The following AGBL4 variants were observed in gnomAD, a reference collection of about 807,000 sequenced individuals.
AGBL4 encodes cytosolic carboxypeptidase 6.
AGBL4 carries 58 observed loss-of-function variants against 66.4 expected under a neutral mutation model. That is an observed-to-expected ratio of 0.87 (90% confidence interval 0.71 to 1.09). The LOEUF is 1.09. Among genes scored for constraint, AGBL4 ranks in the 50% least tolerant of loss-of-function variants. AGBL4 has a pLI of 0.00. For synonymous variants in AGBL4, 234 were observed against 222.9 expected (o/e 1.05, Z -0.44); for missense variants, 579 against 631.0 (o/e 0.92, Z 0.88).
intron 1 of AGBL4, among the ~76,000 whole-genome samples, chr1:49,890,100 A>C (rs1306780187): frequency 6.6e-6 from 1 of 152,224 alleles, no homozygotes; most frequent in Non-Finnish European, 1.5e-5. Context: ...TGTGTGAGAC[A>C]TTGGGCTAAG....
At chr1:49,898,471 C>G (rs1649437390) in intron 1 of AGBL4, among the ~76,000 whole-genome samples, 1 of 151,922 alleles carries the variant, frequency 6.6e-6, no homozygotes, top group South Asian at 2.1e-4. Flanking sequence ...ATAACAAACA[C>G]CGGCGAGGAT....
chr1:49,280,431 A>T (rs1644251879), intron 3 of AGBL4, among the ~76,000 whole-genome samples: 1 of 152,170 alleles, frequency 6.6e-6, no homozygotes, highest in African/African-American at 2.4e-5. Flanking sequence ...CTGCCTAAGG[A>T]GGGCAGTGAG....
chr1:49,555,210 A>G (rs531735116), intron 3 of AGBL4, among the ~76,000 whole-genome samples: 2 of 152,162 alleles, frequency 1.3e-5, no homozygotes, highest in South Asian at 4.2e-4. Flanking sequence ...TGGTGCATTT[A>G]CAAACCTTGA....
chr1:49,563,217 A>G (rs1364759772), intron 3 of AGBL4, among the ~76,000 whole-genome samples: 2 of 78,382 alleles, frequency 2.6e-5, no homozygotes, highest in South Asian at 3.1e-4. Context: ...GGGCTGAGAC[A>G]ATGGGGTTTC....
chr1:49,336,461 A>C (rs1320802955), intron 3 of AGBL4, among the ~76,000 whole-genome samples: 1 of 152,236 alleles, frequency 6.6e-6, no homozygotes, highest in African/African-American at 2.4e-5. Flanking sequence ...AGTGAGCATG[A>C]TGTTTAACCA....
chr1:49,378,129 T>C (rs1381334558), intron 3 of AGBL4, among the ~76,000 whole-genome samples: 1 of 152,030 alleles, frequency 6.6e-6, no homozygotes, highest in Non-Finnish European at 1.5e-5. Context: ...CACGACAACA[T>C]TGAAACAAAT....
At chr1:49,410,094 A>G (rs1457116235) in intron 3 of AGBL4, among the ~76,000 whole-genome samples, 4 of 152,284 alleles carry the variant, frequency 2.6e-5, no homozygotes, top group East Asian at 1.9e-4. Context: ...AGGCCTCTCT[A>G]TACCTCTTGT....
intron 6 of AGBL4, among the ~76,000 whole-genome samples, chr1:48,747,026 TCACTAC>T (rs1243856936): frequency 3.3e-5 from 5 of 152,238 alleles, no homozygotes. Context: ...TTAGTCGGCT[TCACTAC>T]CGATGTTGGC....
intron 2 of AGBL4, among the ~76,000 whole-genome samples, chr1:49,746,886 C>A (rs543396201): frequency 1.1e-4 from 17 of 152,058 alleles, no homozygotes; most frequent in African/African-American, 3.6e-4. Flanking sequence ...TGATGATAAA[C>A]CAAAGGATAT....
intron 6 of AGBL4, chr1:48,727,949 G>T (rs1647435082): frequency 6.2e-7 from 1 of 1,611,530 alleles, no homozygotes; most frequent in Non-Finnish European, 8.5e-7. Context: ...TGATATCCAT[G>T]ATTTTTTCAC....
intron 3 of AGBL4, among the ~76,000 whole-genome samples, chr1:49,545,330 G>A: frequency 6.6e-6 from 1 of 152,126 alleles, no homozygotes; most frequent in Middle Eastern, 3.2e-3. Context: ...CAGTCAAATA[G>A]TCTGCAAGAA....
At position 49,985,748 on chromosome 1, in the gene AGBL4, T is replaced by C. The variant is rs142597903; in HGVS notation, c.34+38015A>G. 2.8e-4 allele frequency among the ~76,000 whole-genome samples: 43 copies of C among 152,264 alleles called. 1 individual carries two copies. In the East Asian group the frequency reaches 8.3e-3, roughly 29 times the overall value. ...GCTCTTTGAATGTAATGACCCCTAA[T>C]CTTTGATACTTCTTTGATTCATTTA... is the stretch of plus-strand genomic sequence containing the variant. On this transcript the variant is annotated intron_variant, in intron 1 of 13. Coordinates refer to ENST00000371839, the MANE Select transcript of AGBL4 (RefSeq NM_032785.4).
intron 3 of AGBL4, 92 bp downstream of exon 3, chr1:49,697,221 T>C (rs937932454): frequency 1.5e-6 from 2 of 1,341,116 alleles, no homozygotes; most frequent in South Asian, 1.6e-5. Context: ...AATATATTCT[T>C]AATATAGTCA....
At chr1:49,186,544 C>A (rs1452607974) in intron 4 of AGBL4, among the ~76,000 whole-genome samples, 1 of 152,104 alleles carries the variant, frequency 6.6e-6, no homozygotes, top group Non-Finnish European at 1.5e-5. Flanking sequence ...ATGGTAACAA[C>A]AATACCAAGC....
At chr1:49,291,009 T>C (rs1348371665) in intron 3 of AGBL4, among the ~76,000 whole-genome samples, 1 of 151,934 alleles carries the variant, frequency 6.6e-6, no homozygotes, top group African/African-American at 2.4e-5. Context: ...AAAAAAATAG[T>C]ATTACAGGAC....
At chr1:48,619,845 C>T (rs72681009) in intron 9 of AGBL4, among the ~76,000 whole-genome samples, 2,720 of 152,314 alleles carry the variant, frequency 0.018, 28 homozygotes, top group Non-Finnish European at 0.029. Context: ...GTACAAACTC[C>T]GCCTCCAGCC....
chr1:48,913,119 G>A (rs1174389036), intron 5 of AGBL4, among the ~76,000 whole-genome samples: 1 of 152,168 alleles, frequency 6.6e-6, no homozygotes, highest in Non-Finnish European at 1.5e-5. Context: ...AGTTGAAGAT[G>A]TAGGAAACAC....
At chr1:48,973,567 G>C (rs938860020) in intron 5 of AGBL4, among the ~76,000 whole-genome samples, 1 of 152,042 alleles carries the variant, frequency 6.6e-6, no homozygotes, top group Non-Finnish European at 1.5e-5. Context: ...AAGAAGGTGG[G>C]AAAAAACCCC....
rs182645969 is a variant in AGBL4 at position 50,023,191 on chromosome 1, A to G, written c.34+572T>C. Among the ~76,000 whole-genome samples, 265 of 152,302 alleles carry G rather than the reference A, an allele frequency of 1.7e-3. 1 individual carries two copies. The highest frequency in any genetic ancestry group is 6.2e-3 in the African/African-American group (258 of 41,556). ...TCTTGTCTTTTTAAGGACCCATACA[A>G]GAATTATTTGCATAAATTTCTCTGT... is the stretch of plus-strand genomic sequence containing the variant. On this transcript the variant is annotated intron_variant, in intron 1 of 13. Coordinates refer to ENST00000371839, the MANE Select transcript of AGBL4 (RefSeq NM_032785.4).
Sources: allele counts gnomAD v4.1 joint callset (sites outside exome capture counted in the v4.1 genomes callset), GRCh38; gene constraint gnomAD v4.1.1; transcripts MANE v1.5; gene names NCBI Gene and HGNC (gene_info 2026-07-23, HGNC 2026-07-21).